F8: variants seen among roughly 807,000 people sequenced by gnomAD.
F8 encodes the protein antihemophilic factor.
Under a neutral mutation model 140.6 loss-of-function variants are expected in F8, and 12 were observed. The observed-to-expected ratio is 0.09, with a 90% CI of 0.05 to 0.14. The LOEUF is 0.14. Ranked by LOEUF, F8 falls within the 10% of genes least tolerant of loss-of-function variation. The pLI is 1.00. For synonymous variants in F8, 585 were observed against 614.6 expected (o/e 0.95, Z 0.71); for missense variants, 1,354 against 1,720.7 (o/e 0.79, Z 3.77).
At chrX:154,958,690 T>A (rs2073378026) in intron 10 of F8, among the ~76,000 whole-genome samples, 1 of 112,038 alleles carries the variant, frequency 8.9e-6, no homozygotes, top group Admixed American at 9.4e-5. Flanking sequence ...CTTGGCTCAC[T>A]GCAACCTTCA....
intron 11 of F8, among the ~76,000 whole-genome samples, chrX:154,954,830 T>C (rs2073355320): frequency 8.9e-6 from 1 of 112,113 alleles, no homozygotes; most frequent in Admixed American, 9.5e-5. Flanking sequence ...TCAGGACAAG[T>C]ACTTGGCAAA....
In F8 at chrX:154,930,594, G is replaced by T. The variant is rs1196356883; in HGVS notation, c.3196C>A (p.His1066Asn). 1 of 1,207,924 alleles carries T rather than the reference G, an allele frequency of 8.3e-7. No homozygotes were observed. Among genetic ancestry groups the T allele is most frequent in the African/African-American group, 1.7e-5 (1 of 57,255 alleles). Residue 1066 changes from histidine to asparagine, a missense_variant, in exon 14 of 26, where the codon CAT (histidine) becomes AAT (asparagine). This residue lies in a region of F8 where 658 missense variants were observed against 666.5 expected (regional missense o/e 0.99). Coordinates refer to ENST00000360256, the MANE Select transcript of F8 (RefSeq NM_000132.4). Reference sequence around the variant, plus strand: ...TTTTTGTCCATAAGCATTCTGTCATGAATCAAAGGTGTCACTTTTTTAAAC... The same window carrying T: ...TTTTTGTCCATAAGCATTCTGTCATTAATCAAAGGTGTCACTTTTTTAAAC... ...TEFKKVTPLI[H>N]DRMLMDKNAT... is the part of the protein sequence containing the mutation.
intron 22 of F8, among the ~76,000 whole-genome samples, chrX:154,879,112 A>AT (rs141652423): frequency 3.5e-4 from 37 of 107,181 alleles, no homozygotes; most frequent in Admixed American, 9.0e-4. Context: ...CCCAATGGCC[A>AT]TTTTTTTTTT....
chrX:154,876,276 C>T (rs1300284799), intron 22 of F8, among the ~76,000 whole-genome samples: 2 of 109,880 alleles, frequency 1.8e-5, no homozygotes, highest in Admixed American at 1.9e-4. Flanking sequence ...CCCACCACCA[C>T]ACCCAGCTAA....
chrX:154,856,119 GC>G (rs2072649725), intron 25 of F8, among the ~76,000 whole-genome samples: 1 of 112,198 alleles, frequency 8.9e-6, no homozygotes, highest in Non-Finnish European at 1.9e-5. Context: ...TTTCAGACTT[GC>G]CCTGGTTTAA....
At chrX:154,853,102 A>T (rs1243483289) in intron 25 of F8, among the ~76,000 whole-genome samples, 1 of 110,738 alleles carries the variant, frequency 9.0e-6, no homozygotes, top group African/African-American at 3.3e-5. Flanking sequence ...ACAGTTCTTT[A>T]GTTTCTTTCA....
At chrX:154,867,773 C>T (rs782212699) in intron 22 of F8, among the ~76,000 whole-genome samples, 8 of 106,708 alleles carry the variant, frequency 7.5e-5, no homozygotes, top group Middle Eastern at 4.8e-3. Flanking sequence ...CTGATGAACA[C>T]GGATACAAAA....
intron 4 of F8, among the ~76,000 whole-genome samples, chrX:154,990,254 C>T (rs1319273533): frequency 8.9e-6 from 1 of 111,800 alleles, no homozygotes; most frequent in Non-Finnish European, 1.9e-5. Context: ...TGATTTTCAT[C>T]TCTCCTTACT....
intron 21 of F8, among the ~76,000 whole-genome samples, chrX:154,896,514 C>T (rs924664909): frequency 2.8e-5 from 3 of 107,208 alleles, no homozygotes; most frequent in African/African-American, 1.1e-4. Context: ...CGTACACACA[C>T]ACACACACAC....
At position 154,979,849 on chromosome X, in the gene F8, G is replaced by A. The variant is rs1369434474; in HGVS notation, c.787+4838C>T. Among the ~76,000 whole-genome samples the A allele has an allele frequency of 2.7e-5, 3 of 111,578 alleles. 1 individual carries two copies. The highest frequency in any genetic ancestry group is 5.7e-5 in the Non-Finnish European group (3 of 53,055). ...GGGAGAATTGCAGAATCCAGCGTGA[G>A]CTCTCTGTTGCAATGCCTTCACACG... On this transcript the variant is annotated intron_variant, in intron 6 of 25. Transcript: ENST00000360256.
chrX:154,885,985 G>T, intron 22 of F8: 2 of 263,878 alleles, frequency 7.6e-6, no homozygotes, highest in East Asian at 6.2e-5. Flanking sequence ...GGGGACAACA[G>T]TCTAGAAATG....
intron 6 of F8, among the ~76,000 whole-genome samples, chrX:154,982,402 T>C (rs782431107): frequency 3.0e-4 from 29 of 98,113 alleles, no homozygotes; most frequent in East Asian, 6.3e-4. Context: ...GAGCTGAGAT[T>C]GCGCCACTGC....
Position 154,966,657 on chromosome X carries a change from C to T in F8, c.1040G>A (p.Ser347Asn), listed in dbSNP as rs1603435284. 6 of 1,211,677 alleles carry T rather than the reference C, an allele frequency of 5.0e-6. No individual in the cohort carries two copies. The East Asian group carries it at 1.8e-4, about 36-fold the overall frequency. Residue 347 changes from serine (S) to asparagine (N), a missense_variant, in exon 8 of 26, where the codon AGC becomes AAC. Physicochemically the swap from Ser to Asn is conservative, Grantham distance 46. Coordinates refer to ENST00000360256, the MANE Select transcript of F8 (RefSeq NM_000132.4). ...DGMEAYVKVD[S>N]CPEEPQLRMK... ...TCGTAGTTGGGGTTCCTCTGGACAG[C>T]TGTCTACTTTGACATAAGCTTCCAT... is the stretch of plus-strand genomic sequence containing the variant.
chrX:154,980,116 T>C (rs1302786819), intron 6 of F8, among the ~76,000 whole-genome samples: 3 of 111,583 alleles, frequency 2.7e-5, no homozygotes, highest in Non-Finnish European at 3.8e-5. Context: ...TGTTCTCTCT[T>C]AGATGACCTA....
intron 6 of F8, among the ~76,000 whole-genome samples, chrX:154,975,982 G>A (rs1295928759): frequency 9.0e-6 from 1 of 111,344 alleles, no homozygotes; most frequent in Non-Finnish European, 1.9e-5. Flanking sequence ...TGCAAGCTCC[G>A]CCTCCCGGGT....
At chrX:154,993,378 C>T (rs2073599737) in intron 3 of F8, among the ~76,000 whole-genome samples, 1 of 111,618 alleles carries the variant, frequency 9.0e-6, no homozygotes, top group South Asian at 3.7e-4. Flanking sequence ...CCTCAGACTC[C>T]CCAGCAGCTG....
intron 9 of F8, among the ~76,000 whole-genome samples, chrX:154,962,406 T>C (rs782738554): frequency 1.6e-4 from 18 of 112,543 alleles, no homozygotes; most frequent in Admixed American, 2.8e-4. Context: ...GTGAGGACAC[T>C]GCTTCCTCTC....
chrX:154,977,416 G>T, intron 6 of F8: 2 of 111,347 alleles, frequency 1.8e-5, no homozygotes. Flanking sequence ...TTTTCTTTCA[G>T]TTTGAAAAAC....
chrX:154,880,070 T>C (rs940422447), intron 22 of F8, among the ~76,000 whole-genome samples: 45 of 112,200 alleles, frequency 4.0e-4, no homozygotes, highest in African/African-American at 1.4e-3. Context: ...GAATTTACAC[T>C]AATAATGGTT....
Sources: allele counts gnomAD v4.1 joint callset (sites outside exome capture counted in the v4.1 genomes callset), GRCh38; gene constraint gnomAD v4.1.1; regional missense constraint gnomAD v4.1.1; transcripts MANE v1.5; gene names NCBI Gene and HGNC (gene_info 2026-07-23, HGNC 2026-07-21).